CRYM: variants seen among roughly 807,000 people sequenced by gnomAD.
CRYM encodes crystallin mu, also known as ketimine reductase mu-crystallin.
In CRYM, 18 loss-of-function variants were observed where a neutral mutation model predicts 32.9. The observed-to-expected ratio is 0.55, with a 90% confidence interval of 0.38 to 0.81. The LOEUF (loss-of-function observed/expected upper bound fraction) is 0.81. Ranked by LOEUF, CRYM falls within the 30% of genes least tolerant of loss-of-function variation. The pLI is 0.00. For missense variants in CRYM, 337 were observed against 393.5 expected (o/e 0.86, Z 1.21); for synonymous variants, 153 against 152.4 (o/e 1.00, Z -0.03).
chr16:21,269,764 T>TCCC, intron 4 of CRYM, 26 bp downstream of exon 4: 17 of 971,972 alleles, frequency 1.7e-5, no homozygotes, highest in South Asian at 2.6e-5. Flanking sequence ...TTCCCTCTTC[T>TCCC]CTCCCACCCC....
At chr16:21,274,939 C>G (rs532321609) in intron 3 of CRYM, among the ~76,000 whole-genome samples, 2 of 152,268 alleles carry the variant, frequency 1.3e-5, no homozygotes, top group Non-Finnish European at 2.9e-5. Flanking sequence ...TGTCTACCTC[C>G]CCTGTGTGTG....
At chr16:21,276,624 TA>T (rs2152863155) in intron 2 of CRYM, among the ~76,000 whole-genome samples, 1 of 152,292 alleles carries the variant, frequency 6.6e-6, no homozygotes, top group African/African-American at 2.4e-5. Flanking sequence ...GGGGAGTTAA[TA>T]AAAACACCCA....
Position 21,278,103 on chromosome 16 carries a change from A to G in CRYM, c.149T>C (p.Val50Ala), listed in dbSNP as rs1355254012. ...GGVMQPVRTV[V>A]PVTKHRGYLG... ...TCACCCCCTGTGCTTGGTCACCGGCACCACGGTGCGCACGGGCTGCATGAC... is the reference window on the plus strand; with the variant it reads ...TCACCCCCTGTGCTTGGTCACCGGCGCCACGGTGCGCACGGGCTGCATGAC... The change falls in exon 1 of 8, where the codon GTG becomes GCG. Residue 50 changes from valine to alanine, a missense_variant. Val to Ala is a moderately conservative substitution (Grantham distance 64). Coordinates refer to ENST00000572914, the MANE Select transcript of CRYM (RefSeq NM_001376256.1). 3 of 1,546,748 alleles carry G rather than the reference A, an allele frequency of 1.9e-6. No homozygotes were observed. Among genetic ancestry groups the G allele is most frequent in the South Asian group, 1.2e-5 (1 of 83,974 alleles).
chr16:21,272,027 T>G (rs1019425226), intron 3 of CRYM, among the ~76,000 whole-genome samples: 1 of 145,814 alleles, frequency 6.9e-6, no homozygotes, highest in Non-Finnish European at 1.5e-5. Flanking sequence ...CTTGGCTAAT[T>G]TTTTTTTTTT....
chr16:21,268,195 C>CA (rs2093368011), intron 4 of CRYM, among the ~76,000 whole-genome samples: 1 of 152,294 alleles, frequency 6.6e-6, no homozygotes, highest in East Asian at 1.9e-4. Flanking sequence ...GTGTGGAACT[C>CA]ACACTTTATG....
intron 5 of CRYM, among the ~76,000 whole-genome samples, chr16:21,263,345 G>A (rs1453398048): frequency 6.6e-6 from 1 of 152,066 alleles, no homozygotes; most frequent in Non-Finnish European, 1.5e-5. Flanking sequence ...AGGTTGCAGC[G>A]AGCCAAGACT....
chr16:21,281,109 A>ACTCT (rs34104117), upstream of CRYM, among the ~76,000 whole-genome samples: 131 of 127,348 alleles, frequency 1.0e-3, no homozygotes, highest in African/African-American at 2.4e-3. Context: ...TCTCTCTCTC[A>ACTCT]CTCTCTCTCT....
At chr16:21,286,707 T>G (rs1244075640) in intron 1 of CRYM, among the ~76,000 whole-genome samples, 1 of 152,200 alleles carries the variant, frequency 6.6e-6, no homozygotes, top group Non-Finnish European at 1.5e-5. Context: ...AAGCACCATT[T>G]CTTATTTGCC....
At chr16:21,297,080 C>T (rs919064992) in intron 1 of CRYM, among the ~76,000 whole-genome samples, 1 of 151,460 alleles carries the variant, frequency 6.6e-6, no homozygotes, top group Non-Finnish European at 1.5e-5. Flanking sequence ...TACCTCCAGT[C>T]GAAGTGACCT....
Position 21,267,615 on chromosome 16 carries a change from G to A in CRYM, c.612C>T (p.Val204=). ...AVAGADVIIT[V]TLATEPILFG... is the part of the protein sequence containing the mutation. ...ACAAAATGGGCTCTGTTGCCAGGGT[G>A]ACTGTGATGATCACATCTGCACCTG... Residue 204 remains valine, a synonymous_variant, in exon 5 of 8, where the codon GTC becomes GTT. Coordinates refer to ENST00000572914, the MANE Select transcript of CRYM (RefSeq NM_001376256.1). The A allele has an allele frequency of 6.2e-7, 1 of 1,614,164 alleles. No homozygotes were observed. The highest frequency in any genetic ancestry group is 8.5e-7 in the Non-Finnish European group (1 of 1,180,026).
chr16:21,260,128 G>A (rs951752195), intron 7 of CRYM, among the ~76,000 whole-genome samples: 22 of 152,152 alleles, frequency 1.4e-4, no homozygotes, highest in African/African-American at 4.8e-4. Flanking sequence ...GCTCTGGGTG[G>A]CCAGAGCGCT....
chr16:21,298,301 G>A (rs1289875983), intron 1 of CRYM, among the ~76,000 whole-genome samples: 3 of 152,090 alleles, frequency 2.0e-5, no homozygotes, highest in Non-Finnish European at 4.4e-5. Flanking sequence ...GTATATACCC[G>A]AGATACTTGC....
At chr16:21,276,716 C>T (rs534677719) in intron 2 of CRYM, among the ~76,000 whole-genome samples, 20 of 152,154 alleles carry the variant, frequency 1.3e-4, no homozygotes, top group Admixed American at 5.2e-4. Flanking sequence ...GTTAAAATGG[C>T]GGTGGTCTTA....
At chr16:21,291,355 C>T (rs968347693) in intron 1 of CRYM, among the ~76,000 whole-genome samples, 1 of 152,146 alleles carries the variant, frequency 6.6e-6, no homozygotes. Context: ...ATCTGAGGCT[C>T]TACAAATCTC....
rs186557669 is a variant in CRYM at position 21,294,758 on chromosome 16, G to A, written c.-193+8220C>T. On this transcript the variant is annotated intron_variant, in intron 1 of 9. Coordinates refer to the CRYM transcript ENST00000219599. ...TGCCCATGCTGGAGTACAGTGGCGC[G>A]ATCTCGACTCACTGCAACCTCCACC... 2.2e-3 allele frequency among the ~76,000 whole-genome samples: 331 copies of A among 148,822 alleles called. 3 individuals are homozygous for A. Among genetic ancestry groups the A allele is most frequent in the African/African-American group, 7.6e-3 (306 of 40,174 alleles).
At chr16:21,276,646 T>C (rs1241680010) in intron 2 of CRYM, among the ~76,000 whole-genome samples, 1 of 152,192 alleles carries the variant, frequency 6.6e-6, no homozygotes, top group Non-Finnish European at 1.5e-5. Flanking sequence ...TAGAGGAATT[T>C]TGCAGAATTG....
rs559699941 is a variant in CRYM, at chr16:21,276,355, C to A, written c.325-761G>T. ...CGCTGTTGGCAGGTAGTATGAATGC[C>A]ATCTCGGTTGGATGAGTGTAAGTTG... On this transcript the variant is annotated intron_variant, in intron 2 of 7. Transcript: ENST00000572914. Among the ~76,000 whole-genome samples, 9 of 152,314 alleles carry A rather than the reference C, an allele frequency of 5.9e-5. No individual in the cohort carries two copies. In the South Asian group the frequency reaches 1.7e-3, roughly 28 times the overall value.
chr16:21,288,110 T>C (rs905072110), intron 1 of CRYM, among the ~76,000 whole-genome samples: 6 of 152,174 alleles, frequency 3.9e-5, no homozygotes, highest in South Asian at 2.1e-4. Context: ...TTGAATTCAA[T>C]TGTAGGACAC....
At chr16:21,301,819 G>C (rs1203588672) in intron 1 of CRYM, among the ~76,000 whole-genome samples, 4 of 152,304 alleles carry the variant, frequency 2.6e-5, no homozygotes, top group South Asian at 2.1e-4. Flanking sequence ...GCGTTGGGAG[G>C]AGGAGTCCCG....
Sources: gnomAD v4.1 joint callset for allele counts (sites outside exome capture counted in the v4.1 genomes callset) on GRCh38, gnomAD v4.1.1 for gene constraint, MANE v1.5 for transcripts, NCBI Gene and HGNC (gene_info 2026-07-23, HGNC 2026-07-21) for gene names.